The following WARS1 variants were observed in gnomAD, a reference collection of about 807,000 sequenced individuals.
The protein encoded by WARS1 is tryptophan--tRNA ligase, cytoplasmic.
WARS1 carries 17 observed loss-of-function variants against 47.8 expected under a neutral mutation model. That is an observed-to-expected ratio of 0.36 (90% CI 0.24 to 0.53). The LOEUF is 0.53. WARS1 is among the 20% of genes least tolerant of loss of function. The pLI, the probability that WARS1 is intolerant of heterozygous loss-of-function variation, is 0.91. For missense variants in WARS1, 434 were observed against 608.0 expected, an observed-to-expected ratio of 0.71 and a Z score of 3.01; for synonymous variants, 208 against 228.1, an observed-to-expected ratio of 0.91 and a Z score of 0.79.
At position 100,366,652 on chromosome 14, in the gene WARS1, T is replaced by C. The variant is rs1896016393; in HGVS notation, c.99+2435A>G. On this transcript the variant is annotated intron_variant, in intron 2 of 10. Transcript: ENST00000392882. ...TGGCCCATGGACATGGACATGAGCA[T>C]GGACATCGTAAAATGGAACTTCTAG... is the stretch of plus-strand genomic sequence containing the variant. 3 of 770,052 alleles carry C rather than the reference T, an allele frequency of 3.9e-6. No individual in the cohort carries two copies. In the East Asian group the frequency reaches 7.3e-5, roughly 19 times the overall value. The allele number at this position is 770,052 out of a possible 1,614,324, so 47.7% of individuals were successfully genotyped here.
upstream of WARS1, chr14:100,375,421 T>C (rs1896599838): frequency 6.6e-6 from 1 of 152,258 alleles, no homozygotes; most frequent in Non-Finnish European, 1.5e-5. Flanking sequence ...AAAAAGATGC[T>C]TTTGTCTTTC....
chr14:100,348,443 G>A (rs912908731), intron 6 of WARS1, among the ~76,000 whole-genome samples: 1 of 152,180 alleles, frequency 6.6e-6, no homozygotes, highest in African/African-American at 2.4e-5. Context: ...AGGCCCTGGG[G>A]GGCACTGGAG....
At chr14:100,349,787 C>G (rs1894853738) in intron 6 of WARS1, among the ~76,000 whole-genome samples, 1 of 152,232 alleles carries the variant, frequency 6.6e-6, no homozygotes, top group Non-Finnish European at 1.5e-5. Context: ...GGCCTCCTCC[C>G]TCATGGAGGC....
intron 9 of WARS1, chr14:100,340,066 G>A (rs1219490039): frequency 6.6e-6 from 1 of 152,214 alleles, no homozygotes; most frequent in Non-Finnish European, 1.5e-5. Context: ...CTATCTTACA[G>A]GTGAAGGAAA....
At chr14:100,361,643 A>C in intron 3 of WARS1, 65 bp downstream of exon 3, 1 of 1,502,870 alleles carries the variant, frequency 6.7e-7, no homozygotes, top group East Asian at 2.3e-5. Context: ...ACATCAATGG[A>C]ATCAACTCAA....
At chr14:100,365,468 T>A (rs1035933618) in intron 2 of WARS1, 9 of 254,590 alleles carry the variant, frequency 3.5e-5, no homozygotes, top group Non-Finnish European at 4.8e-5. Context: ...CAGTCCCAGC[T>A]ACTTACGAGG....
At chr14:100,337,506 T>C (rs570006208) in intron 9 of WARS1, among the ~76,000 whole-genome samples, 167 of 152,066 alleles carry the variant, frequency 1.1e-3, no homozygotes, top group African/African-American at 3.9e-3. Context: ...AAGGCACTGA[T>C]TGAACTGAAA....
chr14:100,364,629 A>G (rs1447644981), intron 2 of WARS1, among the ~76,000 whole-genome samples: 1 of 152,262 alleles, frequency 6.6e-6, no homozygotes, highest in Non-Finnish European at 1.5e-5. Flanking sequence ...TGATGTCTTC[A>G]ACGTGTGCCA....
intron 3 of WARS1, 46 bp downstream of exon 3, chr14:100,361,662 C>T: frequency 6.3e-7 from 1 of 1,593,160 alleles, no homozygotes; most frequent in Non-Finnish European, 8.6e-7. Context: ...AATGGGACCA[C>T]TTCTAAAAGT....
chr14:100,364,202 GAGA>G (rs1305598384), intron 2 of WARS1, among the ~76,000 whole-genome samples: 1 of 152,158 alleles, frequency 6.6e-6, no homozygotes, highest in African/African-American at 2.4e-5. Flanking sequence ...AAACAAAAAG[GAGA>G]AGAAGAAAAA....
intron 4 of WARS1, among the ~76,000 whole-genome samples, chr14:100,355,214 T>C (rs1895237706): frequency 1.3e-5 from 2 of 151,902 alleles, no homozygotes; most frequent in Non-Finnish European, 1.5e-5. Flanking sequence ...AATGTGTTTG[T>C]TTGTTTGTTT....
In WARS1 at chr14:100,335,047, G is replaced by A. The variant is rs2234533; in HGVS notation, c.1255-11C>T. On this transcript the variant is annotated splice_polypyrimidine_tract_variant and intron_variant, in intron 10 of 10. Coordinates refer to ENST00000392882, the MANE Select transcript of WARS1 (RefSeq NM_004184.4). ...TCCGCTGGTGTAATCCTGCCCGGAG[G>A]GAGACAGCCACGTGAGAGATGGCTC... The A allele has an allele frequency of 1.1e-3, 1,807 of 1,610,658 alleles. 36 individuals carry two copies. In the East Asian group the frequency reaches 0.032, roughly 29 times the overall value.
At chr14:100,347,282 G>A (rs1894682910) in intron 6 of WARS1, among the ~76,000 whole-genome samples, 2 of 152,206 alleles carry the variant, frequency 1.3e-5, no homozygotes, top group Admixed American at 1.3e-4. Context: ...GTTGTCGGAT[G>A]AGCGTATGGA....
chr14:100,357,551 T>A (rs893387604), intron 4 of WARS1, among the ~76,000 whole-genome samples: 1 of 151,968 alleles, frequency 6.6e-6, no homozygotes, highest in Non-Finnish European at 1.5e-5. Flanking sequence ...CACCTCTGCC[T>A]CCTGGGTTCA....
intron 6 of WARS1, among the ~76,000 whole-genome samples, chr14:100,348,903 G>T (rs1894797062): frequency 6.6e-6 from 1 of 152,234 alleles, no homozygotes; most frequent in Non-Finnish European, 1.5e-5. Context: ...TGTGCTGGCT[G>T]CAGGGTGAAT....
At chr14:100,350,627 G>A (rs3783341) in intron 6 of WARS1, among the ~76,000 whole-genome samples, 1 of 152,206 alleles carries the variant, frequency 6.6e-6, no homozygotes, top group African/African-American at 2.4e-5. Flanking sequence ...GACTATTATA[G>A]GCACTTGCTC....
rs528089751 is a variant in WARS1 at position 100,345,706 on chromosome 14, A to G, written c.826+1040T>C. ...AAAAAAAAGAAGTTATGATGAATGTATTTTGATATTTAAAAGTGTTTAGTG... is the reference window on the plus strand; with the variant it reads ...AAAAAAAAGAAGTTATGATGAATGTGTTTTGATATTTAAAAGTGTTTAGTG... On this transcript the variant is annotated intron_variant, in intron 7 of 10. Coordinates refer to ENST00000392882, the MANE Select transcript of WARS1 (RefSeq NM_004184.4). Among the ~76,000 whole-genome samples the G allele has an allele frequency of 6.6e-5, 10 of 152,268 alleles. No homozygotes were observed. In the South Asian group the frequency reaches 2.1e-3, roughly 31 times the overall value.
At chr14:100,338,719 C>A (rs1022231488) in intron 9 of WARS1, among the ~76,000 whole-genome samples, 1 of 151,874 alleles carries the variant, frequency 6.6e-6, no homozygotes, top group African/African-American at 2.4e-5. Context: ...CAGGCATGAG[C>A]CACTGTGCCC....
Position 100,334,649 on chromosome 14 carries a change from G to T in WARS1, c.*226C>A. The stretch of plus-strand genomic sequence containing the variant: ...CAGCTGGACTTCTCTATCCGACCAT[G>T]CAATGTTAGCCAGCACCAATTACCC... On this transcript the variant is annotated 3_prime_UTR_variant, in exon 11 of 11. Transcript: ENST00000392882. 2.2e-6 allele frequency: 1 copy of T among 454,044 alleles called. No homozygotes were observed. The allele number at this position is 454,044 out of a possible 1,614,324, so 28.1% of individuals were successfully genotyped here.
Sources: gnomAD v4.1 joint callset for allele counts (sites outside exome capture counted in the v4.1 genomes callset) on GRCh38, gnomAD v4.1.1 for gene constraint, MANE v1.5 for transcripts, NCBI Gene and HGNC (gene_info 2026-07-23, HGNC 2026-07-21) for gene names.